GABRG3: variants seen among roughly 807,000 people sequenced by gnomAD.
The protein encoded by GABRG3 is gamma-aminobutyric acid type A receptor subunit gamma3.
A neutral mutation model predicts 48.8 loss-of-function variants in GABRG3; 25 were observed. The observed-to-expected ratio is 0.51, with a 90% CI of 0.37 to 0.72. The LOEUF is 0.72. GABRG3 is among the 30% of genes least tolerant of loss of function. GABRG3 has a pLI of 0.00. For missense variants in GABRG3, 394 were observed against 577.9 expected (o/e 0.68, Z 3.26); for synonymous variants, 227 against 217.6 (o/e 1.04, Z -0.38).
At chr15:27,302,397 T>TA (rs1208315155) in intron 3 of GABRG3, among the ~76,000 whole-genome samples, 1 of 151,970 alleles carries the variant, frequency 6.6e-6, no homozygotes, top group Non-Finnish European at 1.5e-5. Context: ...CAGGGACAGT[T>TA]ACACTACATA....
At chr15:27,429,657 C>T (rs1396976840) in intron 5 of GABRG3, among the ~76,000 whole-genome samples, 6 of 152,120 alleles carry the variant, frequency 3.9e-5, no homozygotes, top group Non-Finnish European at 5.9e-5. Context: ...TCTAAATGGA[C>T]GATGTGATAT....
rs138599388 is a variant in GABRG3 at position 27,176,491 on chromosome 15, G to T, written c.270+149670G>T. The stretch of plus-strand genomic sequence containing the variant: ...GGAGACACAAGTGTTAATGAATCAT[G>T]ATAATAAAACATGAGGAGTACCAGC... On this transcript the variant is annotated intron_variant, in intron 3 of 9. Coordinates refer to ENST00000615808, the MANE Select transcript of GABRG3 (RefSeq NM_033223.5). Among the ~76,000 whole-genome samples, 44 of 152,306 alleles carry T rather than the reference G, an allele frequency of 2.9e-4. 1 individual carries two copies. Among genetic ancestry groups the T allele is most frequent in the African/African-American group, 1.0e-3 (43 of 41,582 alleles).
chr15:27,357,517 TTAATC>T lies in GABRG3; in HGVS notation c.574+28633_574+28637del, dbSNP rs1265903341. Among the ~76,000 whole-genome samples, 8 of 152,294 alleles carry T rather than the reference TTAATC, an allele frequency of 5.3e-5. No homozygotes were observed. The South Asian group carries it at 6.2e-4, about 12-fold the overall frequency. ...GACATTCAAAAATATGTATTATTGA[TTAATC>T]TAAATATAATAAAAAGCCTACATAA... is the stretch of plus-strand genomic sequence containing the variant. On this transcript the variant is annotated intron_variant, in intron 5 of 9. Coordinates refer to ENST00000615808, the MANE Select transcript of GABRG3 (RefSeq NM_033223.5).
At chr15:27,314,903 AG>A (rs553398782) in intron 3 of GABRG3, among the ~76,000 whole-genome samples, 209 of 152,296 alleles carry the variant, frequency 1.4e-3, no homozygotes, top group African/African-American at 4.7e-3. Flanking sequence ...GGCTGCAGGG[AG>A]GGAGAAATGG....
intron 3 of GABRG3, among the ~76,000 whole-genome samples, chr15:27,163,242 G>A (rs113024901): frequency 0.019 from 2,869 of 152,214 alleles, 77 homozygotes; most frequent in African/African-American, 0.065. Flanking sequence ...GCTCATGCCT[G>A]TAGTTCCAAC....
intron 3 of GABRG3, among the ~76,000 whole-genome samples, chr15:27,322,553 G>A (rs979853930): frequency 1.3e-5 from 2 of 152,210 alleles, no homozygotes; most frequent in African/African-American, 4.8e-5. Flanking sequence ...TTAGTTTCAA[G>A]AGGGAAAGGC....
At chr15:27,029,965 G>A (rs1340658511) in intron 3 of GABRG3, among the ~76,000 whole-genome samples, 4 of 152,124 alleles carry the variant, frequency 2.6e-5, no homozygotes, top group African/African-American at 7.2e-5. Flanking sequence ...ACCAAACGAC[G>A]CAATTTTAAA....
chr15:27,415,807 G>T (rs758635273), intron 5 of GABRG3, among the ~76,000 whole-genome samples: 2 of 152,160 alleles, frequency 1.3e-5, no homozygotes, highest in African/African-American at 4.8e-5. Flanking sequence ...TGGAAGTGGG[G>T]CCATGCAAGA....
chr15:27,396,773 C>T (rs1887311832), intron 5 of GABRG3, among the ~76,000 whole-genome samples: 3 of 152,116 alleles, frequency 2.0e-5, no homozygotes, highest in Admixed American at 6.5e-5. Context: ...AACTGCTGTA[C>T]ATCCACATAA....
chr15:27,305,584 A>C (rs576035651), intron 3 of GABRG3, among the ~76,000 whole-genome samples: 2 of 143,704 alleles, frequency 1.4e-5, no homozygotes, highest in South Asian at 2.1e-4. Flanking sequence ...ATATAAACAT[A>C]TATATAATAT....
intron 5 of GABRG3, among the ~76,000 whole-genome samples, chr15:27,345,994 C>T (rs962547651): frequency 6.7e-6 from 1 of 148,350 alleles, no homozygotes; most frequent in African/African-American, 2.5e-5. Flanking sequence ...GTGGAGGTTT[C>T]AGTGAGCCAA....
chr15:27,320,150 A>T (rs1277287599), intron 3 of GABRG3, among the ~76,000 whole-genome samples: 1 of 152,116 alleles, frequency 6.6e-6, no homozygotes, highest in Admixed American at 6.5e-5. Flanking sequence ...GGCCTTGGGG[A>T]AGGTCGTAGC....
intron 3 of GABRG3, among the ~76,000 whole-genome samples, chr15:27,270,196 ATAT>A (rs1406296752): frequency 2.6e-5 from 4 of 152,190 alleles, no homozygotes; most frequent in Non-Finnish European, 4.4e-5. Context: ...TTCTCCATTA[ATAT>A]TATGAATGAT....
At chr15:27,024,358 A>C (rs1269746918) in intron 2 of GABRG3, among the ~76,000 whole-genome samples, 1 of 152,174 alleles carries the variant, frequency 6.6e-6, no homozygotes, top group Non-Finnish European at 1.5e-5. Flanking sequence ...TTCTGGTGTT[A>C]TATCCAAGAG....
chr15:27,508,125 T>C (rs368334377), intron 6 of GABRG3, among the ~76,000 whole-genome samples: 40 of 152,354 alleles, frequency 2.6e-4, no homozygotes, highest in African/African-American at 9.6e-4. Flanking sequence ...GTGTGTTTCA[T>C]CTGGGATGTT....
intron 3 of GABRG3, among the ~76,000 whole-genome samples, chr15:27,039,178 A>C (rs1196676144): frequency 6.6e-6 from 1 of 152,186 alleles, no homozygotes; most frequent in African/African-American, 2.4e-5. Context: ...TTTCCTGCTG[A>C]AGGCAGGTCA....
chr15:27,341,376 G>C (rs910067358), intron 5 of GABRG3, among the ~76,000 whole-genome samples: 1 of 152,102 alleles, frequency 6.6e-6, no homozygotes, highest in African/African-American at 2.4e-5. Flanking sequence ...CACTCAAAAA[G>C]TTTAGAAAAC....
At chr15:27,209,535 T>C (rs1465977216) in intron 3 of GABRG3, among the ~76,000 whole-genome samples, 1 of 152,100 alleles carries the variant, frequency 6.6e-6, no homozygotes, top group Non-Finnish European at 1.5e-5. Context: ...GCCAGAAACC[T>C]GGGTCAGGGC....
At chr15:27,274,186 A>G (rs1891178543) in intron 3 of GABRG3, among the ~76,000 whole-genome samples, 3 of 152,184 alleles carry the variant, frequency 2.0e-5, no homozygotes, top group African/African-American at 7.2e-5. Flanking sequence ...ACTGGAAGTG[A>G]CAATCCATGT....
Sources: allele counts gnomAD v4.1 joint callset (sites outside exome capture counted in the v4.1 genomes callset), GRCh38; gene constraint gnomAD v4.1.1; transcripts MANE v1.5; gene names NCBI Gene and HGNC (gene_info 2026-07-23, HGNC 2026-07-21).